KLHL29: variants seen among roughly 807,000 people sequenced by gnomAD.
The protein encoded by KLHL29 is kelch like family member 29.
A neutral mutation model predicts 80.4 loss-of-function variants in KLHL29; 21 were observed. That is an observed-to-expected ratio of 0.26 (90% CI 0.19 to 0.38). The LOEUF (loss-of-function observed/expected upper bound fraction) is 0.38. KLHL29 is among the 10% of genes least tolerant of loss of function. The pLI, the probability that KLHL29 is intolerant of heterozygous loss-of-function variation, is 1.00. For missense variants in KLHL29, 867 were observed against 1,223.9 expected, an observed-to-expected ratio of 0.71 and a Z score of 4.35; for synonymous variants, 511 against 526.8, an observed-to-expected ratio of 0.97 and a Z score of 0.41.
chr2:23,476,549 G>A (rs1419466080), intron 2 of KLHL29, among the ~76,000 whole-genome samples: 2 of 152,062 alleles, frequency 1.3e-5, no homozygotes, highest in Non-Finnish European at 2.9e-5. Flanking sequence ...AAGCCATTTC[G>A]TATGTCGGTA....
intron 4 of KLHL29, among the ~76,000 whole-genome samples, chr2:23,641,075 GA>G (rs1352793503): frequency 6.6e-6 from 1 of 152,020 alleles, no homozygotes; most frequent in Non-Finnish European, 1.5e-5. Flanking sequence ...GAGCAGCTGT[GA>G]AAACCAAGGT....
rs969314589 is a variant in KLHL29, at chr2:23,695,431, G to C, written c.1543-192G>C. On this transcript the variant is annotated intron_variant, in intron 8 of 13. Coordinates refer to ENST00000486442, the MANE Select transcript of KLHL29 (RefSeq NM_052920.2). This position sits in a 1 kb window ranked among gnomAD's most constrained non-coding sequence, Gnocchi z 7.6. ...CTCCCCTCCGCACCCCTGCGCTCCC[G>C]GCCCTCCCCTCCACACCTCCAGCTG... is the stretch of plus-strand genomic sequence containing the variant. Among the ~76,000 whole-genome samples the C allele has an allele frequency of 6.6e-6, 1 of 151,776 alleles. No individual in the cohort carries two copies. Among genetic ancestry groups the C allele is most frequent in the African/African-American group, 2.4e-5 (1 of 41,320 alleles).
chr2:23,583,114 T>A (rs1668026808), intron 3 of KLHL29, among the ~76,000 whole-genome samples: 1 of 152,174 alleles, frequency 6.6e-6, no homozygotes, highest in African/African-American at 2.4e-5. Context: ...CCCTGGAGCA[T>A]CCAGAGGGGG....
At chr2:23,605,916 C>A (rs929301743) in intron 3 of KLHL29, among the ~76,000 whole-genome samples, 1 of 152,004 alleles carries the variant, frequency 6.6e-6, no homozygotes. Flanking sequence ...ATTTTAGGCA[C>A]CCACCACCAC....
chr2:23,592,979 C>T (rs558943036), intron 3 of KLHL29, among the ~76,000 whole-genome samples: 3 of 152,164 alleles, frequency 2.0e-5, no homozygotes, highest in Non-Finnish European at 2.9e-5. Flanking sequence ...CTTCTCAGGG[C>T]TTCATTGTTC....
In KLHL29 at chr2:23,684,869, G is replaced by A. The variant is rs1480204987; in HGVS notation, c.1079+332G>A. On this transcript the variant is annotated intron_variant, in intron 6 of 13. Transcript: ENST00000486442. The surrounding 1 kb of genome is among the most constrained non-coding windows in gnomAD (Gnocchi z 4.4). ...CTCACAAGCTGTCCCTGAGATTAGGGGGGACTGTAGGCTCCATTTTAAGGG... is the reference window on the plus strand; with the variant it reads ...CTCACAAGCTGTCCCTGAGATTAGGAGGGACTGTAGGCTCCATTTTAAGGG... Among the ~76,000 whole-genome samples, 3 of 152,146 alleles carry A rather than the reference G, an allele frequency of 2.0e-5. No individual in the cohort carries two copies. The highest frequency in any genetic ancestry group is 4.4e-5 in the Non-Finnish European group (3 of 68,016).
intron 3 of KLHL29, among the ~76,000 whole-genome samples, chr2:23,585,691 T>C (rs535542269): frequency 6.6e-6 from 1 of 152,150 alleles, no homozygotes; most frequent in African/African-American, 2.4e-5. Flanking sequence ...GATTTTTGGC[T>C]TGGTGAACTC....
intron 1 of KLHL29, among the ~76,000 whole-genome samples, chr2:23,395,757 A>G (rs78889820): frequency 9.4e-6 from 1 of 106,392 alleles, no homozygotes; most frequent in Non-Finnish European, 1.7e-5. Flanking sequence ...AAAAGGAAAG[A>G]AAAAAAAAAA....
At chr2:23,570,216 T>A (rs1049949779) in intron 3 of KLHL29, among the ~76,000 whole-genome samples, 1 of 152,190 alleles carries the variant, frequency 6.6e-6, no homozygotes, top group Non-Finnish European at 1.5e-5. Flanking sequence ...GTCACATGCC[T>A]TTCCTATTGA....
intron 3 of KLHL29, among the ~76,000 whole-genome samples, chr2:23,573,818 C>T (rs945886855): frequency 6.6e-6 from 1 of 152,174 alleles, no homozygotes; most frequent in Non-Finnish European, 1.5e-5. Context: ...CCTTAAAGCC[C>T]CGGCCTCTCT....
chr2:23,465,363 C>T (rs1179409516), intron 1 of KLHL29, among the ~76,000 whole-genome samples: 2 of 152,250 alleles, frequency 1.3e-5, no homozygotes, highest in African/African-American at 2.4e-5. Flanking sequence ...GCTCACGCCT[C>T]TCACCTCCTG....
At chr2:23,438,000 T>C (rs554886055) in intron 1 of KLHL29, among the ~76,000 whole-genome samples, 103 of 152,194 alleles carry the variant, frequency 6.8e-4, no homozygotes, top group African/African-American at 2.4e-3. Context: ...CAGTGGTTTG[T>C]AGTTCTCCTT....
At position 23,696,545 on chromosome 2, in the gene KLHL29, C is replaced by G. The variant is rs1489188164; in HGVS notation, c.2105+32C>G. On this transcript the variant is annotated intron_variant, in intron 11 of 13. Transcript: ENST00000486442. The surrounding 1 kb of genome is among the most constrained non-coding windows in gnomAD (Gnocchi z 5.5). ...AGGCCACGGTCAGGACAGGGGCATGCTCTTTGCTCACCAAGAACTGAAATC... is the reference window on the plus strand; with the variant it reads ...AGGCCACGGTCAGGACAGGGGCATGGTCTTTGCTCACCAAGAACTGAAATC... The G allele has an allele frequency of 1.4e-6, 2 of 1,459,594 alleles. No homozygotes were observed. The highest frequency in any genetic ancestry group is 1.8e-6 in the Non-Finnish European group (2 of 1,097,578). 90.4% of individuals were successfully genotyped at this position (1,459,594 alleles called of 1,614,324 possible). A position where few individuals can be genotyped will look rare whatever the true frequency, so the allele number is the denominator to read the frequency against.
intron 2 of KLHL29, among the ~76,000 whole-genome samples, chr2:23,494,314 C>A (rs75094393): frequency 0.01 from 1,587 of 152,282 alleles, 13 homozygotes; most frequent in Non-Finnish European, 0.014. Flanking sequence ...AAAAGCTCCA[C>A]GTTTTGTAGA....
At chr2:23,694,169 T>C (rs148998963) in intron 8 of KLHL29, among the ~76,000 whole-genome samples, 1 of 152,340 alleles carries the variant, frequency 6.6e-6, no homozygotes, top group Non-Finnish European at 1.5e-5. Context: ...TCTGGGCCTC[T>C]CCAGCAGAAT....
intron 3 of KLHL29, among the ~76,000 whole-genome samples, chr2:23,586,165 T>TA (rs1474972135): frequency 6.6e-6 from 1 of 151,746 alleles, no homozygotes; most frequent in Non-Finnish European, 1.5e-5. Flanking sequence ...AAATGCTACT[T>TA]AAAAAAAATT....
At chr2:23,515,794 G>T (rs957133691) in intron 2 of KLHL29, among the ~76,000 whole-genome samples, 2 of 152,144 alleles carry the variant, frequency 1.3e-5, no homozygotes, top group African/African-American at 4.8e-5. Flanking sequence ...GCTCCCCAAA[G>T]AAACCACAAG....
chr2:23,441,362 G>A (rs1663516016), intron 1 of KLHL29, among the ~76,000 whole-genome samples: 1 of 151,298 alleles, frequency 6.6e-6, no homozygotes, highest in Non-Finnish European at 1.5e-5. Flanking sequence ...ATAGCATTAG[G>A]AGATATACTT....
chr2:23,555,130 C>A (rs570296073), intron 2 of KLHL29, among the ~76,000 whole-genome samples: 1 of 150,772 alleles, frequency 6.6e-6, no homozygotes. Context: ...TCCCCCCCCC[C>A]CTCAACTTGT....
Sources: gnomAD v4.1 joint callset for allele counts (sites outside exome capture counted in the v4.1 genomes callset) on GRCh38, gnomAD v4.1.1 for gene constraint, Gnocchi (gnomAD v3.1) non-coding constraint, MANE v1.5 for transcripts, NCBI Gene and HGNC (gene_info 2026-07-23, HGNC 2026-07-21) for gene names.